The following ARIH2 variants were observed in gnomAD, a reference collection of about 807,000 sequenced individuals.
ARIH2 encodes the protein E3 ubiquitin-protein ligase ARIH2.
In ARIH2, 12 loss-of-function variants were observed where a neutral mutation model predicts 79.8. That is an observed-to-expected ratio of 0.15 (90% CI 0.10 to 0.24). The LOEUF (loss-of-function observed/expected upper bound fraction) is 0.24, where lower values mean the gene tolerates loss of function less well. Ranked by LOEUF, ARIH2 falls within the 10% of genes least tolerant of loss-of-function variation. The pLI, the probability that ARIH2 is intolerant of heterozygous loss-of-function variation, is 1.00. For synonymous variants in ARIH2, 224 were observed against 213.9 expected (o/e 1.05, Z -0.41); for missense variants, 301 against 618.3 (o/e 0.49, Z 5.44).
At chr3:48,954,451 G>T (rs1004294545) in intron 3 of ARIH2, among the ~76,000 whole-genome samples, 1 of 151,014 alleles carries the variant, frequency 6.6e-6, no homozygotes. Flanking sequence ...AAAAAAAAAA[G>T]TTTTTTTCTA....
chr3:48,944,185 G>A (rs988803091), intron 3 of ARIH2, among the ~76,000 whole-genome samples: 3 of 152,098 alleles, frequency 2.0e-5, no homozygotes, highest in African/African-American at 4.8e-5. Context: ...TCTGAAGGGA[G>A]GAGGGGAGGG....
intron 9 of ARIH2, among the ~76,000 whole-genome samples, chr3:48,974,284 C>T (rs1360363191): frequency 6.6e-6 from 1 of 152,208 alleles, no homozygotes; most frequent in African/African-American, 2.4e-5. Flanking sequence ...CACTCACAAG[C>T]ACAGTTACGA....
chr3:48,934,520 T>C, intron 3 of ARIH2: 1 of 985,378 alleles, frequency 1.0e-6, no homozygotes, highest in Non-Finnish European at 1.2e-6. Flanking sequence ...TGAGCAGCCC[T>C]CTGATTTCTA....
At chr3:48,937,591 G>A (rs563594485) in intron 3 of ARIH2, among the ~76,000 whole-genome samples, 1 of 152,270 alleles carries the variant, frequency 6.6e-6, no homozygotes, top group South Asian at 2.1e-4. Flanking sequence ...GTTATGTTAT[G>A]TTCTCAGTAA....
chr3:48,973,007 A>T (rs2092321253), intron 8 of ARIH2, among the ~76,000 whole-genome samples: 1 of 152,168 alleles, frequency 6.6e-6, no homozygotes, highest in African/African-American at 2.4e-5. Context: ...GAATCACTGC[A>T]CTCGGCCTAC....
chr3:48,970,713 G>T lies in ARIH2; in HGVS notation c.770+9G>T. Reference sequence around the variant, plus strand: ...TGCAACGAGGTCTTCTGGTAAGAGTGAGTGTGAGTGCTGAGCAGCCCTGGG... The same window carrying T: ...TGCAACGAGGTCTTCTGGTAAGAGTTAGTGTGAGTGCTGAGCAGCCCTGGG... On this transcript the variant is annotated intron_variant, in intron 8 of 15. Transcript: ENST00000356401. 6.2e-7 allele frequency: 1 copy of T among 1,605,720 alleles called. No homozygotes were observed. The highest frequency in any genetic ancestry group is 1.1e-5 in the South Asian group (1 of 90,880).
chr3:48,931,128 C>T (rs1187091104), intron 3 of ARIH2, among the ~76,000 whole-genome samples: 3 of 152,236 alleles, frequency 2.0e-5, no homozygotes, highest in African/African-American at 7.2e-5. Context: ...TGCCCTGTCT[C>T]ACAACTGGAG....
intron 3 of ARIH2, among the ~76,000 whole-genome samples, chr3:48,935,732 T>C (rs2087010463): frequency 6.6e-6 from 1 of 152,148 alleles, no homozygotes; most frequent in South Asian, 2.1e-4. Context: ...AATGTTCAAA[T>C]CGATTTTGCT....
In ARIH2 at chr3:48,986,360, C is replaced by T. The variant is rs900972693; in HGVS notation, c.*3090C>T. 1 of 152,272 alleles carries T rather than the reference C, an allele frequency of 6.6e-6. No homozygotes were observed. Among genetic ancestry groups the T allele is most frequent in the Non-Finnish European group, 1.5e-5 (1 of 68,068 alleles). The allele number at this position is 152,272 out of a possible 1,614,324, so 9.4% of individuals were successfully genotyped here. ...TGTTTTTTGTTTTGAGACAGTCTCG[C>T]TCTATCGCCCAGACTGGAGTACAGT... is the stretch of plus-strand genomic sequence containing the variant. On this transcript the variant is annotated 3_prime_UTR_variant, in exon 16 of 16. Transcript: ENST00000356401.
chr3:48,934,818 C>T (rs2086891395), intron 3 of ARIH2: 2 of 985,262 alleles, frequency 2.0e-6, no homozygotes, highest in Non-Finnish European at 2.4e-6. Context: ...TGATACCATA[C>T]AAAACATGCT....
intron 3 of ARIH2, among the ~76,000 whole-genome samples, chr3:48,944,163 A>C (rs9820609): frequency 0.05 from 7,653 of 152,070 alleles, 630 homozygotes; most frequent in African/African-American, 0.18. Context: ...GCTGGGATTT[A>C]CTTCACAATA....
rs546849933 is a variant in ARIH2, at chr3:48,960,876, T to C, written c.256-736T>C. Among the ~76,000 whole-genome samples, 4 of 152,336 alleles carry C rather than the reference T, an allele frequency of 2.6e-5. No individual in the cohort carries two copies. The South Asian group carries it at 8.3e-4, about 32-fold the overall frequency. ...ATTTAACTCATTTTTGTTGGATATT[T>C]AGGTTATTTCTAATTTTTTACTATT... is the stretch of plus-strand genomic sequence containing the variant. On this transcript the variant is annotated intron_variant, in intron 3 of 15. Transcript: ENST00000356401.
At chr3:48,955,762 A>G (rs1418015306) in intron 3 of ARIH2, among the ~76,000 whole-genome samples, 2 of 152,242 alleles carry the variant, frequency 1.3e-5, no homozygotes, top group Non-Finnish European at 2.9e-5. Context: ...CAGGAGGCCA[A>G]GATGGCTCAA....
intron 13 of ARIH2, 149 bp downstream of exon 13, chr3:48,980,645 G>C: frequency 1.1e-6 from 1 of 902,920 alleles, no homozygotes. Context: ...ACATTTTCAT[G>C]TGCTGTGCCC....
At chr3:48,966,435 G>T (rs543104181) in intron 5 of ARIH2, among the ~76,000 whole-genome samples, 1 of 152,172 alleles carries the variant, frequency 6.6e-6, no homozygotes, top group Non-Finnish European at 1.5e-5. Context: ...TGTGTAGCAT[G>T]ATGTGGATTC....
At chr3:48,970,833 T>TC in intron 8 of ARIH2, 129 bp downstream of exon 8, 1 of 646,866 alleles carries the variant, frequency 1.5e-6, no homozygotes, top group Admixed American at 2.5e-5. Flanking sequence ...ACAGCTGTGC[T>TC]CCAAGTGGGT....
intron 11 of ARIH2, among the ~76,000 whole-genome samples, chr3:48,978,465 G>GTATATA (rs1232911399): frequency 2.6e-4 from 20 of 75,474 alleles, no homozygotes; most frequent in African/African-American, 1.2e-3. Flanking sequence ...GTGTGTGTGT[G>GTATATA]TATATATATA....
chr3:48,975,517 G>C (rs2092448190), intron 11 of ARIH2, among the ~76,000 whole-genome samples: 1 of 151,974 alleles, frequency 6.6e-6, no homozygotes, highest in African/African-American at 2.4e-5. Context: ...TGTCCAAGTG[G>C]GTCTTCTACG....
rs536155018 is a variant in ARIH2 at position 48,970,038 on chromosome 3, G to A, written c.661-557G>A. Among the ~76,000 whole-genome samples the A allele has an allele frequency of 9.2e-5, 14 of 151,832 alleles. No individual in the cohort carries two copies. In the South Asian group the frequency reaches 1.9e-3, roughly 20 times the overall value. On this transcript the variant is annotated intron_variant, in intron 7 of 15. Coordinates refer to ENST00000356401, the MANE Select transcript of ARIH2 (RefSeq NM_006321.4). Reference sequence around the variant, plus strand: ...CCTGAGTAGCTGAGGTTACAAGCTCGCGCCACCACACCCAACTAATTTTTG... The same window carrying A: ...CCTGAGTAGCTGAGGTTACAAGCTCACGCCACCACACCCAACTAATTTTTG...
Sources: gnomAD v4.1 joint callset for allele counts (sites outside exome capture counted in the v4.1 genomes callset) on GRCh38, gnomAD v4.1.1 for gene constraint, MANE v1.5 for transcripts, NCBI Gene and HGNC (gene_info 2026-07-23, HGNC 2026-07-21) for gene names.